The following ATRNL1 variants were observed in gnomAD, a reference collection of about 807,000 sequenced individuals.
The protein encoded by ATRNL1 is attractin-like protein 1.
Under a neutral mutation model 182.7 loss-of-function variants are expected in ATRNL1, and 95 were observed. That is an observed-to-expected ratio of 0.52 (90% confidence interval 0.44 to 0.62). The LOEUF (loss-of-function observed/expected upper bound fraction) is 0.62. Ranked by LOEUF, ATRNL1 falls within the 20% of genes least tolerant of loss-of-function variation. The pLI is 0.00. For synonymous variants in ATRNL1, 576 were observed against 568.3 expected (o/e 1.01, Z -0.19); for missense variants, 1,471 against 1,679.5 (o/e 0.88, Z 2.17).
chr10:115,473,400 T>C (rs1338151343), intron 24 of ATRNL1, among the ~76,000 whole-genome samples: 1 of 151,260 alleles, frequency 6.6e-6, no homozygotes, highest in Non-Finnish European at 1.5e-5. Flanking sequence ...CTATTATATT[T>C]ATTTTTTAAA....
intron 28 of ATRNL1, among the ~76,000 whole-genome samples, chr10:115,871,106 G>C (rs985605971): frequency 1.3e-5 from 2 of 152,020 alleles, no homozygotes; most frequent in African/African-American, 4.8e-5. Flanking sequence ...TTTCGGTTCT[G>C]TCCTTGAAAA....
chr10:115,131,015 C>T (rs757070388), intron 5 of ATRNL1, among the ~76,000 whole-genome samples: 3 of 152,020 alleles, frequency 2.0e-5, no homozygotes, highest in Admixed American at 6.6e-5. Context: ...TAATATAGAT[C>T]TGATTCAAAG....
chr10:115,676,932 C>T (rs1284947968), intron 26 of ATRNL1, among the ~76,000 whole-genome samples: 1 of 152,032 alleles, frequency 6.6e-6, no homozygotes, highest in Non-Finnish European at 1.5e-5. Flanking sequence ...ACCAATGTCT[C>T]AGTTAAAGAA....
chr10:115,315,854 T>A, intron 18 of ATRNL1, 118 bp downstream of exon 18: 1 of 776,682 alleles, frequency 1.3e-6, no homozygotes. Flanking sequence ...AAAATGAGAC[T>A]AAAATGTCAA....
chr10:115,434,811 C>T (rs534604387), intron 21 of ATRNL1, among the ~76,000 whole-genome samples: 1 of 152,090 alleles, frequency 6.6e-6, no homozygotes, highest in African/African-American at 2.4e-5. Flanking sequence ...TAAGAAATTC[C>T]TACTTTAATA....
intron 27 of ATRNL1, among the ~76,000 whole-genome samples, chr10:115,749,184 T>TA (rs1948377550): frequency 1.3e-5 from 2 of 151,920 alleles, no homozygotes; most frequent in African/African-American, 4.8e-5. Flanking sequence ...TTCAACTTTT[T>TA]AAATATAAGA....
chr10:115,171,250 GCAAT>G lies in ATRNL1; in HGVS notation c.1307_1310del (p.Ala436AspfsTer41). The G allele has an allele frequency of 1.2e-6, 2 of 1,608,964 alleles. No individual in the cohort carries two copies. Among genetic ancestry groups the G allele is most frequent in the Non-Finnish European group, 8.5e-7 (1 of 1,176,546 alleles). On this transcript the variant is annotated frameshift_variant, in exon 8 of 29. Transcript: ENST00000355044. LOFTEE classifies it high-confidence loss of function. ...CATGATCATAATATTTGGATATTCT[GCAAT>G]ATATGGTTATACAAGCAGCATACAG...
intron 26 of ATRNL1, among the ~76,000 whole-genome samples, chr10:115,655,143 C>T (rs887164715): frequency 6.6e-5 from 10 of 152,230 alleles, no homozygotes; most frequent in East Asian, 3.9e-4. Flanking sequence ...ATTTCCTCAG[C>T]GGCCACAACA....
At chr10:115,206,955 T>TA (rs1341085566) in intron 8 of ATRNL1, among the ~76,000 whole-genome samples, 1 of 152,154 alleles carries the variant, frequency 6.6e-6, no homozygotes, top group Non-Finnish European at 1.5e-5. Flanking sequence ...TTTCTGTCCT[T>TA]ACGATAGTTT....
intron 5 of ATRNL1, among the ~76,000 whole-genome samples, chr10:115,137,990 C>T (rs1371049013): frequency 6.6e-6 from 1 of 152,196 alleles, no homozygotes; most frequent in African/African-American, 2.4e-5. Context: ...GTAAATACAG[C>T]CATTCCAAAT....
chr10:115,389,817 G>A (rs1843928315), intron 19 of ATRNL1, among the ~76,000 whole-genome samples: 1 of 151,482 alleles, frequency 6.6e-6, no homozygotes, highest in Admixed American at 6.6e-5. Flanking sequence ...TTCACCAACA[G>A]TACACATGGT....
At chr10:115,703,535 G>A (rs1428135344) in intron 26 of ATRNL1, among the ~76,000 whole-genome samples, 5 of 151,736 alleles carry the variant, frequency 3.3e-5, no homozygotes, top group African/African-American at 1.2e-4. Context: ...ATAAAATAGG[G>A]AAGTAGCACA....
chr10:115,342,468 T>G (rs1220831888), intron 19 of ATRNL1, among the ~76,000 whole-genome samples: 1 of 152,126 alleles, frequency 6.6e-6, no homozygotes, highest in Non-Finnish European at 1.5e-5. Context: ...AAATGAAAAC[T>G]AATAAAAACT....
chr10:115,510,417 C>A (rs1489949340), intron 24 of ATRNL1, among the ~76,000 whole-genome samples: 4 of 152,000 alleles, frequency 2.6e-5, no homozygotes, highest in African/African-American at 9.7e-5. Flanking sequence ...TCACTCCAAC[C>A]CTCAGGAACC....
intron 27 of ATRNL1, among the ~76,000 whole-genome samples, chr10:115,760,272 G>T (rs1167438143): frequency 6.6e-6 from 1 of 151,904 alleles, no homozygotes; most frequent in East Asian, 1.9e-4. Flanking sequence ...TAGTAGGGAA[G>T]AAGTTTAGTT....
chr10:115,435,983 A>G (rs1195459364), intron 21 of ATRNL1, among the ~76,000 whole-genome samples: 1 of 152,154 alleles, frequency 6.6e-6, no homozygotes, highest in Admixed American at 6.5e-5. Context: ...GTGAATATAC[A>G]TTTATTTTAG....
At chr10:115,257,656 T>C (rs1554907437) in intron 10 of ATRNL1, among the ~76,000 whole-genome samples, 2 of 152,226 alleles carry the variant, frequency 1.3e-5, no homozygotes, top group African/African-American at 4.8e-5. Flanking sequence ...CATTATGATG[T>C]TCGCTGGTTA....
At chr10:115,790,866 G>A (rs76882479) in intron 27 of ATRNL1, among the ~76,000 whole-genome samples, 7,370 of 152,016 alleles carry the variant, frequency 0.048, 521 homozygotes, top group African/African-American at 0.16. Flanking sequence ...ATAGATGTTC[G>A]TTAGCATTAA....
Position 115,268,328 on chromosome 10 carries a change from G to T in ATRNL1, c.1984G>T (p.Ala662Ser), listed in dbSNP as rs1851694372. The change falls in exon 13 of 29, where the codon GCT becomes TCT. Residue 662 changes from alanine to serine, a missense_variant and splice_region_variant. Ala to Ser is a moderately conservative substitution (Grantham distance 99). Around this residue, in one of 3 missense-constraint regions of ATRNL1, gnomAD observed 1,031 missense variants for 1,156.0 expected, o/e 0.89. Transcript: ENST00000355044. ...ATCGTCCCCCATTTGTATTATAGCT[G>T]CTTCTGATGACAGATGTTACAGATA... is the stretch of plus-strand genomic sequence containing the variant. ...LRAKCPPKTA[A>S]SDDRCYRYAD... 1 of 1,595,138 alleles carries T rather than the reference G, an allele frequency of 6.3e-7. No homozygotes were observed. Among genetic ancestry groups the T allele is most frequent in the Non-Finnish European group, 8.6e-7 (1 of 1,163,068 alleles).
Sources: gnomAD v4.1 joint callset for allele counts (sites outside exome capture counted in the v4.1 genomes callset) on GRCh38, gnomAD v4.1.1 for gene constraint, gnomAD v4.1.1 regional missense constraint, MANE v1.5 for transcripts, NCBI Gene and HGNC (gene_info 2026-07-23, HGNC 2026-07-21) for gene names.